The following ERBB4 variants were observed in gnomAD, a reference collection of about 807,000 sequenced individuals.
The protein encoded by ERBB4 is erb-b2 receptor tyrosine kinase 4.
A neutral mutation model predicts 158.0 loss-of-function variants in ERBB4; 42 were observed. The observed-to-expected ratio is 0.27, with a 90% CI of 0.21 to 0.34. The LOEUF is 0.34. ERBB4 is among the 10% of genes least tolerant of loss of function. The pLI is 1.00. For synonymous variants in ERBB4, 583 were observed against 558.7 expected (o/e 1.04, Z -0.61); for missense variants, 1,333 against 1,624.1 (o/e 0.82, Z 3.08).
At chr2:211,420,350 T>C (rs2063488354) in intron 25 of ERBB4, 91 bp downstream of exon 25, 3 of 899,690 alleles carry the variant, frequency 3.3e-6, no homozygotes, top group Non-Finnish European at 5.4e-6. Flanking sequence ...ATTTGAGCTA[T>C]ATAATTATTT....
At chr2:212,192,802 T>C (rs377434258) in intron 1 of ERBB4, among the ~76,000 whole-genome samples, 1 of 125,944 alleles carries the variant, frequency 7.9e-6, no homozygotes. Context: ...CGATCAATAG[T>C]GTGATATCTG....
chr2:211,537,009 G>A (rs1279876972), intron 20 of ERBB4, among the ~76,000 whole-genome samples: 1 of 151,828 alleles, frequency 6.6e-6, no homozygotes, highest in Non-Finnish European at 1.5e-5. Context: ...TTTATTCCTT[G>A]GTTGCAGCAA....
chr2:212,149,167 A>AT (rs1022663524), intron 1 of ERBB4, among the ~76,000 whole-genome samples: 12 of 85,986 alleles, frequency 1.4e-4, no homozygotes, highest in African/African-American at 5.8e-4. Flanking sequence ...AAATATAATA[A>AT]TTAAAAAAAA....
At chr2:212,511,110 T>C (rs1435010074) in intron 1 of ERBB4, among the ~76,000 whole-genome samples, 3 of 152,188 alleles carry the variant, frequency 2.0e-5, no homozygotes, top group Non-Finnish European at 4.4e-5. Context: ...TTTCTCTAAA[T>C]TATTTTACCT....
intron 3 of ERBB4, among the ~76,000 whole-genome samples, chr2:211,878,332 C>T (rs1362457337): frequency 6.6e-6 from 1 of 151,984 alleles, no homozygotes; most frequent in Non-Finnish European, 1.5e-5. Flanking sequence ...AACAAAATAA[C>T]TTTTTGAAAG....
At chr2:211,597,530 G>A (rs904629803) in intron 19 of ERBB4, among the ~76,000 whole-genome samples, 1 of 152,046 alleles carries the variant, frequency 6.6e-6, no homozygotes, top group East Asian at 1.9e-4. Context: ...TAAATTTTGA[G>A]AGCTAAAGAA....
At chr2:211,463,283 G>A (rs911672179) in intron 20 of ERBB4, among the ~76,000 whole-genome samples, 4 of 152,152 alleles carry the variant, frequency 2.6e-5, no homozygotes, top group Non-Finnish European at 4.4e-5. Flanking sequence ...AATTCCAGCA[G>A]GGTTTGTTCA....
rs1386265451 is a variant in ERBB4 at position 211,475,260 on chromosome 2, T to TGTA, written c.2488-44163_2488-44161dup. Among the ~76,000 whole-genome samples the TGTA allele has an allele frequency of 2.6e-5, 4 of 152,226 alleles. No homozygotes were observed. In the East Asian group the frequency reaches 7.7e-4, roughly 29 times the overall value. On this transcript the variant is annotated intron_variant, in intron 20 of 27. Transcript: ENST00000342788. ...AGGGATAAGTTACAACTAAAAGACC[T>TGTA]GTATTAGAATCTCTTTTTGTTTTGC... is the stretch of plus-strand genomic sequence containing the variant.
intron 1 of ERBB4, among the ~76,000 whole-genome samples, chr2:212,433,592 T>C (rs1219410853): frequency 3.3e-5 from 5 of 152,022 alleles, no homozygotes; most frequent in African/African-American, 9.7e-5. Context: ...CTTACTTGCA[T>C]ACCAGGTTCT....
At position 211,384,077 on chromosome 2, in the gene ERBB4, AT is replaced by A. The variant is rs748262548; in HGVS notation, c.3482-18del. 54 of 1,578,110 alleles carry A rather than the reference AT, an allele frequency of 3.4e-5. No individual in the cohort carries two copies. The highest frequency in any genetic ancestry group is 1.6e-4 in the African/African-American group (12 of 74,176). ...TCAGGTATTCTAAAGGAATAAAAAA[AT>A]ATCAGCTAACCTCTAGTTTCTGGAA... is the stretch of plus-strand genomic sequence containing the variant. On this transcript the variant is annotated intron_variant, in intron 27 of 27. Transcript: ENST00000342788.
intron 1 of ERBB4, among the ~76,000 whole-genome samples, chr2:212,229,051 A>C (rs1476958924): frequency 1.3e-5 from 2 of 152,240 alleles, no homozygotes. Context: ...GGAATTGGAC[A>C]TATCAGTATG....
chr2:212,155,380 T>C (rs1416788575), intron 1 of ERBB4, among the ~76,000 whole-genome samples: 4 of 152,086 alleles, frequency 2.6e-5, no homozygotes, highest in Non-Finnish European at 5.9e-5. Context: ...CCAATGTCTT[T>C]GCAAATCTTA....
intron 20 of ERBB4, among the ~76,000 whole-genome samples, chr2:211,483,678 A>C (rs1237075890): frequency 6.6e-6 from 1 of 152,010 alleles, no homozygotes; most frequent in East Asian, 1.9e-4. Flanking sequence ...CAGCCTCCTG[A>C]GTAGCTGAGA....
At chr2:212,067,038 A>C (rs1425218428) in intron 2 of ERBB4, among the ~76,000 whole-genome samples, 1 of 151,960 alleles carries the variant, frequency 6.6e-6, no homozygotes, top group African/African-American at 2.4e-5. Flanking sequence ...TGGTTCTTTC[A>C]TTGTTTTGTT....
At chr2:211,853,728 ATG>A (rs1425810319) in intron 3 of ERBB4, among the ~76,000 whole-genome samples, 1 of 152,074 alleles carries the variant, frequency 6.6e-6, no homozygotes, top group African/African-American at 2.4e-5. Context: ...TCAGAAATAT[ATG>A]TGTTTTTTTC....
chr2:211,450,838 G>A (rs1207631643), intron 20 of ERBB4, among the ~76,000 whole-genome samples: 1 of 152,108 alleles, frequency 6.6e-6, no homozygotes, highest in African/African-American at 2.4e-5. Flanking sequence ...TAGGCATGCT[G>A]TTACTTACCT....
At chr2:212,171,304 A>T (rs2081510447) in intron 1 of ERBB4, among the ~76,000 whole-genome samples, 1 of 149,154 alleles carries the variant, frequency 6.7e-6, no homozygotes, top group African/African-American at 2.5e-5. Context: ...CCCCCATTGT[A>T]TCTTGGAAGT....
chr2:211,805,070 C>T (rs763919510), intron 3 of ERBB4, among the ~76,000 whole-genome samples: 1 of 152,092 alleles, frequency 6.6e-6, no homozygotes, highest in African/African-American at 2.4e-5. Context: ...TAGGCACCTG[C>T]CACCACACTC....
chr2:212,516,033 G>A (rs1691821005), intron 1 of ERBB4, among the ~76,000 whole-genome samples: 1 of 151,878 alleles, frequency 6.6e-6, no homozygotes, highest in Admixed American at 6.6e-5. Context: ...GTCCAAATAA[G>A]AATTTCAGAA....
Sources: gnomAD v4.1 joint callset for allele counts (sites outside exome capture counted in the v4.1 genomes callset) on GRCh38, gnomAD v4.1.1 for gene constraint, MANE v1.5 for transcripts, NCBI Gene and HGNC (gene_info 2026-07-23, HGNC 2026-07-21) for gene names.